The following TMEM230 variants were observed in gnomAD, a reference collection of about 807,000 sequenced individuals.
The protein encoded by TMEM230 is UPF0414 transmembrane protein C20orf30.
TMEM230 carries 10 observed loss-of-function variants against 15.8 expected under a neutral mutation model. The ratio of observed to expected loss-of-function variants is 0.63; its 90% CI spans 0.39 to 1.07. TMEM230 has a LOEUF of 1.07. TMEM230 is among the 50% of genes least tolerant of loss of function. The pLI is 0.01. For missense variants in TMEM230, 165 were observed against 193.3 expected (o/e 0.85, Z 0.87); for synonymous variants, 67 against 76.9 (o/e 0.87, Z 0.68).
chr20:5,112,252 A>G (rs2090356322), intron 1 of TMEM230, among the ~76,000 whole-genome samples: 1 of 152,256 alleles, frequency 6.6e-6, no homozygotes, highest in South Asian at 2.1e-4. Flanking sequence ...TCTAGAAATC[A>G]AGTATTTAAA....
Position 5,106,121 on chromosome 20 carries a change from G to GCA in TMEM230, c.411+65_411+66dup, listed in dbSNP as rs113000699. The GCA allele has an allele frequency of 5.6e-4, 612 of 1,091,556 alleles. 7 individuals carry two copies. Among genetic ancestry groups the GCA allele is most frequent in the South Asian group, 5.1e-3 (345 of 67,708 alleles). The allele number at this position is 1,091,556 out of a possible 1,614,324, so 67.6% of individuals were successfully genotyped here. A position where few individuals can be genotyped will look rare whatever the true frequency, so the allele number is the denominator to read the frequency against. Reference sequence around the variant, plus strand: ...CACACACACACACACACACACACACGCACACTAGAGCCTTGGCTAACATTT... The same window carrying GCA: ...CACACACACACACACACACACACACGCACACACTAGAGCCTTGGCTAACATTT... On this transcript the variant is annotated intron_variant, in intron 4 of 4. Transcript: ENST00000342308.
intron 1 of TMEM230, 46 bp downstream of exon 1, chr20:5,112,915 C>A: frequency 1.3e-6 from 2 of 1,549,152 alleles, no homozygotes; most frequent in African/African-American, 2.7e-5. Context: ...ACGCCCAGAG[C>A]CCGAGAGGAC....
chr20:5,084,413 G>A (rs1430674058), intron 3 of TMEM230, among the ~76,000 whole-genome samples: 3 of 151,828 alleles, frequency 2.0e-5, no homozygotes, highest in Admixed American at 1.3e-4. Flanking sequence ...TAGTAGAGAC[G>A]GGGTTTCACC....
chr20:5,075,290 C>A (rs1428711553), intron 3 of TMEM230, among the ~76,000 whole-genome samples: 1 of 151,330 alleles, frequency 6.6e-6, no homozygotes, highest in Non-Finnish European at 1.5e-5. Flanking sequence ...GTCTCGAACT[C>A]CTGACCTTAG....
At chr20:5,083,166 G>A (rs1208542230) in intron 3 of TMEM230, among the ~76,000 whole-genome samples, 1 of 151,818 alleles carries the variant, frequency 6.6e-6, no homozygotes, top group East Asian at 1.9e-4. Context: ...GACCTCATAT[G>A]AGCCGCCTGC....
chr20:5,087,074 A>G (rs1218973509), intron 3 of TMEM230, among the ~76,000 whole-genome samples: 1 of 151,908 alleles, frequency 6.6e-6, no homozygotes, highest in African/African-American at 2.4e-5. Flanking sequence ...AGGTCTTGCT[A>G]TTTTGCCCAG....
chr20:5,078,172 G>C (rs1474216217), intron 3 of TMEM230, among the ~76,000 whole-genome samples: 8 of 152,134 alleles, frequency 5.3e-5, no homozygotes, highest in African/African-American at 1.9e-4. Flanking sequence ...TGTGTGACCT[G>C]TGTAGACGCC....
the TMEM230 span, among the ~76,000 whole-genome samples, chr20:5,059,787 T>G: frequency 5.5e-3 from 594 of 108,868 alleles, 4 homozygotes; most frequent in African/African-American, 0.02. Context: ...TTTTTTTTTT[T>G]TTTTTTGAGA....
At chr20:5,075,816 G>A (rs1196754652) in intron 3 of TMEM230, among the ~76,000 whole-genome samples, 1 of 151,976 alleles carries the variant, frequency 6.6e-6, no homozygotes, top group East Asian at 1.9e-4. Flanking sequence ...TTTTGCAATT[G>A]CTGTCAAGGT....
rs181243086 is a variant in TMEM230, at chr20:5,078,028, G to T, written c.223-8679C>A. Among the ~76,000 whole-genome samples, 111 of 152,240 alleles carry T rather than the reference G, an allele frequency of 7.3e-4. 5 individuals carry two copies. In the East Asian group the frequency reaches 0.019, roughly 26 times the overall value. On this transcript the variant is annotated intron_variant, in intron 3 of 3. Coordinates refer to the TMEM230 transcript ENST00000612323. ...ATATTTGTATCAACACTTCATGAAT[G>T]ACACACAGACATCAACCTCACTGCC...
At position 5,100,283 on chromosome 20, in the gene TMEM230, C is replaced by G. The variant is rs371915705; in HGVS notation, c.*508G>C. 1 of 985,350 alleles carries G rather than the reference C, an allele frequency of 1.0e-6. No individual in the cohort carries two copies. 61.0% of individuals were successfully genotyped at this position (985,350 alleles called of 1,614,324 possible). On this transcript the variant is annotated 3_prime_UTR_variant, in exon 5 of 5. Coordinates refer to ENST00000342308, the MANE Select transcript of TMEM230 (RefSeq NM_001009923.2). ...TTCCTGGTTGCTGTCAGTAAGAAAG[C>G]AAGTAAAAAAAATATTACAGATGAA...
chr20:5,101,443 T>C (rs569545286), intron 4 of TMEM230, among the ~76,000 whole-genome samples: 3 of 152,186 alleles, frequency 2.0e-5, no homozygotes, highest in African/African-American at 7.2e-5. Flanking sequence ...TTTTTTGAGG[T>C]AAGAGTCTTG....
intron 3 of TMEM230, among the ~76,000 whole-genome samples, chr20:5,073,887 G>A (rs543655745): frequency 6.6e-6 from 1 of 152,318 alleles, no homozygotes; most frequent in Admixed American, 6.5e-5. Flanking sequence ...AGGTGTATTT[G>A]GCTCACAGTT....
At chr20:5,111,889 C>G (rs2090342597) in intron 1 of TMEM230, 1 of 673,152 alleles carries the variant, frequency 1.5e-6, no homozygotes, top group Admixed American at 6.3e-5. Context: ...CTCTGTCACC[C>G]AGGCTAGAGT....
chr20:5,075,449 C>T (rs112861089), intron 3 of TMEM230, among the ~76,000 whole-genome samples: 7,516 of 151,718 alleles, frequency 0.05, 574 homozygotes, highest in African/African-American at 0.17. Context: ...AGAGGCCAGG[C>T]GCGGTGGCTC....
At chr20:5,105,323 T>A (rs1030032970) in intron 4 of TMEM230, among the ~76,000 whole-genome samples, 2 of 151,790 alleles carry the variant, frequency 1.3e-5, no homozygotes, top group South Asian at 4.2e-4. Context: ...TGTATGTGTA[T>A]ATGTATATAT....
intron 3 of TMEM230, among the ~76,000 whole-genome samples, chr20:5,090,321 A>T (rs1169842518): frequency 6.6e-6 from 1 of 152,222 alleles, no homozygotes; most frequent in Non-Finnish European, 1.5e-5. Flanking sequence ...ACAGCAGGAC[A>T]TGCATTGTGA....
intron 4 of TMEM230, among the ~76,000 whole-genome samples, chr20:5,101,647 C>T (rs1201621920): frequency 2.0e-5 from 3 of 152,054 alleles, no homozygotes; most frequent in African/African-American, 4.8e-5. Context: ...AGGCTGGTCT[C>T]GAACTCTGGG....
At chr20:5,078,704 C>T (rs1316992568) in intron 3 of TMEM230, among the ~76,000 whole-genome samples, 1 of 152,176 alleles carries the variant, frequency 6.6e-6, no homozygotes, top group Admixed American at 6.5e-5. Flanking sequence ...ATTTCCTCGC[C>T]AAGGCAAGTC....
Sources: gnomAD v4.1 joint callset for allele counts (sites outside exome capture counted in the v4.1 genomes callset) on GRCh38, gnomAD v4.1.1 for gene constraint, MANE v1.5 for transcripts, NCBI Gene and HGNC (gene_info 2026-07-23, HGNC 2026-07-21) for gene names.